LRP2: variants seen among roughly 807,000 people sequenced by gnomAD.
LRP2 encodes LDL receptor related protein 2, also known as low-density lipoprotein receptor-related protein 2.
In LRP2, 172 loss-of-function variants were observed where a neutral mutation model predicts 531.0. The observed-to-expected ratio is 0.32, with a 90% CI of 0.29 to 0.37. LRP2 has a LOEUF of 0.37. LRP2 is among the 10% of genes least tolerant of loss of function. The probability of loss-of-function intolerance (pLI) is 1.00; values close to 1 mark genes in which losing one functional copy is unlikely to be tolerated. For synonymous variants in LRP2, 1,992 were observed against 2,027.6 expected (o/e 0.98, Z 0.47); for missense variants, 5,167 against 5,868.3 (o/e 0.88, Z 3.90).
Position 169,294,717 on chromosome 2 carries a change from T to TAAAAAA in LRP2, c.428-13_428-8dup, listed in dbSNP as rs370823033. The TAAAAAA allele has an allele frequency of 1.5e-5, 11 of 743,222 alleles. No homozygotes were observed. The highest frequency in any genetic ancestry group is 7.1e-5 in the African/African-American group (3 of 42,226). The allele number at this position is 743,222 out of a possible 1,614,324, so 46.0% of individuals were successfully genotyped here. On this transcript the variant is annotated splice_polypyrimidine_tract_variant and splice_region_variant and intron_variant, in intron 4 of 78. Transcript: ENST00000649046. ...TGCTCACATGTTGGGTACTCTATTG[T>TAAAAAA]AAAAAAAAAAAAAAAAAAAAAAAGG...
chr2:169,231,669 A>G (rs1689409300), intron 31 of LRP2, 45 bp downstream of exon 31: 1 of 1,612,398 alleles, frequency 6.2e-7, no homozygotes, highest in Non-Finnish European at 8.5e-7. Context: ...GGCACAAACT[A>G]TGACCAGCTC....
Position 169,256,174 on chromosome 2 carries a change from C to T in LRP2, c.2702G>A (p.Gly901Asp), listed in dbSNP as rs760821351. ...FDKIEHSTFD[G>D]LDRRRLGHIE... ...ATGGCCCAGTCTTCTTCTGTCTAAA[C>T]CATCAAAGGTGCTGTGCTCAATTTT... The change falls in exon 19 of 79, where the codon GGT becomes GAT. Residue 901 changes from glycine to aspartate, a missense_variant. Gly to Asp is a moderately conservative substitution (Grantham distance 94). Around this residue, in one of 6 missense-constraint regions of LRP2, gnomAD observed 2,811 missense variants for 3,058.0 expected, o/e 0.92. Coordinates refer to ENST00000649046, the MANE Select transcript of LRP2 (RefSeq NM_004525.3). 1.2e-6 allele frequency: 2 copies of T among 1,612,828 alleles called. No homozygotes were observed. Among genetic ancestry groups the T allele is most frequent in the African/African-American group, 1.3e-5 (1 of 74,848 alleles).
chr2:169,277,873 A>G lies in LRP2; in HGVS notation c.1644T>C (p.Arg548=), dbSNP rs1660203818. ...LERAFMDGSN[R]KDLVKTKLGW... is the part of the protein sequence containing the mutation. ...CCAGCTTTGTTTTCACCAAGTCTTT[A>G]CGGTTGCTGCCATCCATGAATGCCC... Residue 548 remains arginine, a synonymous_variant, in exon 13 of 79, where the codon CGT becomes CGC. Coordinates refer to ENST00000649046, the MANE Select transcript of LRP2 (RefSeq NM_004525.3). 1.2e-6 allele frequency: 2 copies of G among 1,614,008 alleles called. No homozygotes were observed. The highest frequency in any genetic ancestry group is 2.7e-5 in the African/African-American group (2 of 74,916).
At position 169,236,208 on chromosome 2, in the gene LRP2, A is replaced by C. The variant is rs187559280; in HGVS notation, c.4692-140T>G. ...GGTTCAGAATATATTCACAGAGTTT[A>C]TTGTTTCCTCTAAGTGTCACAAAGT... On this transcript the variant is annotated intron_variant, in intron 28 of 78. Coordinates refer to ENST00000649046, the MANE Select transcript of LRP2 (RefSeq NM_004525.3). The C allele has an allele frequency of 2.6e-5, 19 of 736,940 alleles. No individual in the cohort carries two copies. The African/African-American group carries it at 3.3e-4, about 13-fold the overall frequency. The allele number at this position is 736,940 out of a possible 1,614,324, so 45.7% of individuals were successfully genotyped here. A position where few individuals can be genotyped will look rare whatever the true frequency, so the allele number is the denominator to read the frequency against.
intron 60 of LRP2, among the ~76,000 whole-genome samples, chr2:169,169,336 A>T (rs1477447663): frequency 6.6e-6 from 1 of 152,232 alleles, no homozygotes; most frequent in African/African-American, 2.4e-5. Flanking sequence ...CTATAAATTC[A>T]ATATGTTCGA....
chr2:169,274,949 A>C, intron 14 of LRP2, 87 bp downstream of exon 14: 3 of 1,202,274 alleles, frequency 2.5e-6, no homozygotes, highest in Non-Finnish European at 3.7e-6. Context: ...ATCACATAAG[A>C]CCCCTCATTA....
chr2:169,298,583 T>C (rs1014232803), intron 4 of LRP2, among the ~76,000 whole-genome samples: 4 of 151,816 alleles, frequency 2.6e-5, no homozygotes, highest in Non-Finnish European at 4.4e-5. Flanking sequence ...TTAAAAGAGA[T>C]TATGAAAAGA....
chr2:169,248,612 C>A (rs992659052), intron 19 of LRP2, among the ~76,000 whole-genome samples: 11 of 152,324 alleles, frequency 7.2e-5, no homozygotes, highest in Admixed American at 6.5e-4. Flanking sequence ...TCACAAAAAA[C>A]AGCAATGTTG....
intron 16 of LRP2, among the ~76,000 whole-genome samples, chr2:169,267,657 A>C (rs1683258169): frequency 6.6e-6 from 1 of 152,226 alleles, no homozygotes; most frequent in Non-Finnish European, 1.5e-5. Flanking sequence ...AAAGCAGTAG[A>C]GATCTAAAAC....
chr2:169,329,964 T>C (rs1288391858), intron 1 of LRP2, among the ~76,000 whole-genome samples: 1 of 152,144 alleles, frequency 6.6e-6, no homozygotes. Flanking sequence ...TGCATTAGAT[T>C]CCCATAGGAG....
chr2:169,299,339 C>T (rs1482917350), intron 4 of LRP2, among the ~76,000 whole-genome samples: 1 of 151,890 alleles, frequency 6.6e-6, no homozygotes, highest in Non-Finnish European at 1.5e-5. Flanking sequence ...TAGCTCACTC[C>T]CTTTGTACTA....
At chr2:169,246,159 C>G (rs115579209) in intron 21 of LRP2, among the ~76,000 whole-genome samples, 2 of 151,798 alleles carry the variant, frequency 1.3e-5, no homozygotes, top group Non-Finnish European at 2.9e-5. Flanking sequence ...ATTTTATATA[C>G]ATATTTTTTT....
intron 76 of LRP2, among the ~76,000 whole-genome samples, chr2:169,133,893 G>A (rs1045290477): frequency 6.6e-6 from 1 of 151,970 alleles, no homozygotes; most frequent in Non-Finnish European, 1.5e-5. Context: ...AAATTACCTG[G>A]GCTGTACTGC....
At chr2:169,241,912 G>A (rs530373680) in intron 24 of LRP2, among the ~76,000 whole-genome samples, 5 of 152,182 alleles carry the variant, frequency 3.3e-5, no homozygotes, top group Non-Finnish European at 5.9e-5. Context: ...ATCCTGGAGA[G>A]ATACGTAAGA....
chr2:169,213,124 G>C (rs1688656423), intron 36 of LRP2, among the ~76,000 whole-genome samples: 1 of 151,838 alleles, frequency 6.6e-6, no homozygotes, highest in Non-Finnish European at 1.5e-5. Context: ...AATTTAAAGG[G>C]GTAAATCAGA....
At chr2:169,148,363 A>G (rs1433165829) in intron 68 of LRP2, among the ~76,000 whole-genome samples, 1 of 152,120 alleles carries the variant, frequency 6.6e-6, no homozygotes, top group Admixed American at 6.5e-5. Flanking sequence ...AAAATGCTTT[A>G]AAACCGATTA....
intron 14 of LRP2, among the ~76,000 whole-genome samples, chr2:169,273,578 C>G (rs1039202068): frequency 6.6e-6 from 1 of 152,152 alleles, no homozygotes; most frequent in Non-Finnish European, 1.5e-5. Flanking sequence ...AGCTAAACAG[C>G]TTGACTAGGA....
At chr2:169,258,273 T>A (rs920770937) in intron 17 of LRP2, among the ~76,000 whole-genome samples, 2 of 152,088 alleles carry the variant, frequency 1.3e-5, no homozygotes, top group South Asian at 2.1e-4. Context: ...TTTATCTCAC[T>A]GCGCCTTAGA....
At chr2:169,254,643 T>TAAAAAAAAAAACAAAAAAAA (rs1690226832) in intron 19 of LRP2, among the ~76,000 whole-genome samples, 1 of 73,274 alleles carries the variant, frequency 1.4e-5, no homozygotes, top group African/African-American at 6.1e-5. Flanking sequence ...TAGAGTATAA[T>TAAAAAAAAAAACAAAAAAAA]AAAAAAAAAA....
Sources: gnomAD v4.1 joint callset for allele counts (sites outside exome capture counted in the v4.1 genomes callset) on GRCh38, gnomAD v4.1.1 for gene constraint, gnomAD v4.1.1 regional missense constraint, MANE v1.5 for transcripts, NCBI Gene and HGNC (gene_info 2026-07-23, HGNC 2026-07-21) for gene names.